The following OSBPL3 variants were observed in gnomAD, a reference collection of about 807,000 sequenced individuals.
OSBPL3 encodes oxysterol binding protein like 3, also known as oxysterol-binding protein-related protein 3.
Under a neutral mutation model 120.1 loss-of-function variants are expected in OSBPL3, and 65 were observed. The observed-to-expected ratio is 0.54, with a 90% CI of 0.44 to 0.67. The LOEUF is 0.67. Ranked by LOEUF, OSBPL3 falls within the 30% of genes least tolerant of loss-of-function variation. OSBPL3 has a pLI of 0.00. For synonymous variants in OSBPL3, 416 were observed against 402.6 expected (o/e 1.03, Z -0.40); for missense variants, 1,004 against 1,082.1 (o/e 0.93, Z 1.01).
In OSBPL3 at chr7:24,907,508, A is replaced by G. The variant is rs140261905; in HGVS notation, c.-149-14887T>C. The stretch of plus-strand genomic sequence containing the variant: ...AGTCCTTGCCAGACATCACTCAGTT[A>G]CACTTTGGCTGTTATCACTCAAACT... On this transcript the variant is annotated intron_variant, in intron 1 of 22. Transcript: ENST00000313367. Among the ~76,000 whole-genome samples, 5 of 151,294 alleles carry G rather than the reference A, an allele frequency of 3.3e-5. No individual in the cohort carries two copies. The East Asian group carries it at 1.0e-3, about 31-fold the overall frequency.
At chr7:24,961,743 C>T (rs1318790336) in intron 1 of OSBPL3, among the ~76,000 whole-genome samples, 1 of 152,150 alleles carries the variant, frequency 6.6e-6, no homozygotes, top group Non-Finnish European at 1.5e-5. Context: ...TCTGAACACA[C>T]TAAGACAGGG....
chr7:24,928,029 A>C (rs1356886054), intron 1 of OSBPL3, among the ~76,000 whole-genome samples: 2 of 151,958 alleles, frequency 1.3e-5, no homozygotes, highest in African/African-American at 4.8e-5. Flanking sequence ...CTTGTTGTTC[A>C]AAAGTGTGTA....
chr7:24,826,005 G>A (rs1166007202), intron 16 of OSBPL3, among the ~76,000 whole-genome samples: 1 of 152,178 alleles, frequency 6.6e-6, no homozygotes, highest in South Asian at 2.1e-4. Flanking sequence ...TAGCTTAATT[G>A]CATATCCTTT....
intron 2 of OSBPL3, among the ~76,000 whole-genome samples, chr7:24,886,406 G>A (rs1260119750): frequency 6.6e-6 from 1 of 152,180 alleles, no homozygotes; most frequent in Non-Finnish European, 1.5e-5. Context: ...GCCATCATTT[G>A]CCAGAATAAA....
At chr7:24,866,401 G>A (rs1006596837) in intron 5 of OSBPL3, among the ~76,000 whole-genome samples, 164 bp from the exon 6 acceptor site, 2 of 152,162 alleles carry the variant, frequency 1.3e-5, no homozygotes, top group Admixed American at 6.5e-5. Context: ...AATTTGGAAG[G>A]CCACGGAGGG....
intron 14 of OSBPL3, among the ~76,000 whole-genome samples, chr7:24,836,755 A>C (rs945504834): frequency 6.6e-6 from 1 of 152,256 alleles, no homozygotes; most frequent in Admixed American, 6.5e-5. Context: ...TGATGAACAG[A>C]AACACATGAA....
In OSBPL3 at chr7:24,939,820, C is replaced by CTATA. The variant is rs1378726066; in HGVS notation, c.-150+40062_-150+40065dup. ...GGGGGAAAAAATCAGTAACAGGGGG[C>CTATA]TATAACTAAAGTTAGGAGGGTGGGA... On this transcript the variant is annotated intron_variant, in intron 1 of 22. Transcript: ENST00000313367. The surrounding 1 kb of genome is among the most constrained non-coding windows in gnomAD (Gnocchi z 4.2). 6.6e-6 allele frequency among the ~76,000 whole-genome samples: 1 copy of CTATA among 151,954 alleles called. No homozygotes were observed. Among genetic ancestry groups the CTATA allele is most frequent in the Non-Finnish European group, 1.5e-5 (1 of 67,978 alleles).
intron 1 of OSBPL3, among the ~76,000 whole-genome samples, chr7:24,928,439 C>T (rs1811371306): frequency 6.6e-6 from 1 of 152,158 alleles, no homozygotes; most frequent in Admixed American, 6.5e-5. Context: ...GATCTGCCCA[C>T]CTTGGCCTCC....
intron 1 of OSBPL3, among the ~76,000 whole-genome samples, chr7:24,926,703 C>A (rs1385035851): frequency 6.6e-6 from 1 of 152,216 alleles, no homozygotes; most frequent in African/African-American, 2.4e-5. Context: ...CCCAGGCTGG[C>A]ATGCACCAGG....
chr7:24,900,593 G>A lies in OSBPL3; in HGVS notation c.-149-7972C>T, dbSNP rs1159257805. ...CTTAATCAAGGTATGGCAAGTACCAGACACATGTGCTTCCAGTCTCCACTC... is the reference window on the plus strand; with the variant it reads ...CTTAATCAAGGTATGGCAAGTACCAAACACATGTGCTTCCAGTCTCCACTC... On this transcript the variant is annotated intron_variant, in intron 1 of 22. Coordinates refer to ENST00000313367, the MANE Select transcript of OSBPL3 (RefSeq NM_015550.4). The surrounding 1 kb of genome is among the most constrained non-coding windows in gnomAD (Gnocchi z 4.5). Among the ~76,000 whole-genome samples, 1 of 152,150 alleles carries A rather than the reference G, an allele frequency of 6.6e-6. No homozygotes were observed. The highest frequency in any genetic ancestry group is 1.5e-5 in the Non-Finnish European group (1 of 68,022).
At chr7:24,800,701 C>G (rs1792211757) in intron 22 of OSBPL3, among the ~76,000 whole-genome samples, 1 of 151,990 alleles carries the variant, frequency 6.6e-6, no homozygotes, top group Non-Finnish European at 1.5e-5. Context: ...AGGTGATCCA[C>G]CCACTTCGGA....
chr7:24,885,060 G>A (rs955106919), intron 2 of OSBPL3, among the ~76,000 whole-genome samples: 1 of 151,858 alleles, frequency 6.6e-6, no homozygotes, highest in African/African-American at 2.4e-5. Context: ...GAAGGGGGTG[G>A]ATCACCTGAG....
intron 5 of OSBPL3, 22 bp downstream of exon 5, chr7:24,870,710 G>T: frequency 7.1e-7 from 1 of 1,401,024 alleles, no homozygotes; most frequent in Non-Finnish European, 1.0e-6. Context: ...AGTGAACTCT[G>T]CACAGTGGGA....
At chr7:24,829,026 T>C (rs540617597) in intron 16 of OSBPL3, among the ~76,000 whole-genome samples, 23 of 152,288 alleles carry the variant, frequency 1.5e-4, no homozygotes, top group African/African-American at 5.3e-4. Context: ...CCATGGGAAA[T>C]ACACAAACAG....
Position 24,798,268 on chromosome 7 carries a change from C to T in OSBPL3, c.*1915G>A, listed in dbSNP as rs1791928003. On this transcript the variant is annotated 3_prime_UTR_variant, in exon 23 of 23. Coordinates refer to ENST00000313367, the MANE Select transcript of OSBPL3 (RefSeq NM_015550.4). This position sits in a 1 kb window ranked among gnomAD's most constrained non-coding sequence, Gnocchi z 4.6. ...CAGGCTGTGCATTTTGTTTTCGTTG[C>T]TTCTTTCTTTTTTGAGCCAGTCTCT... 1 of 152,202 alleles carries T rather than the reference C, an allele frequency of 6.6e-6. No homozygotes were observed. The highest frequency in any genetic ancestry group is 1.5e-5 in the Non-Finnish European group (1 of 68,020). The allele number at this position is 152,202 out of a possible 1,614,324, so 9.4% of individuals were successfully genotyped here.
chr7:24,957,956 T>C (rs780562072), intron 1 of OSBPL3, among the ~76,000 whole-genome samples: 2 of 152,130 alleles, frequency 1.3e-5, no homozygotes, highest in East Asian at 1.9e-4. Context: ...TCCATATCAA[T>C]AAGGAGGAAG....
chr7:24,872,070 C>A lies in OSBPL3; in HGVS notation c.97-1G>T. On this transcript the variant is annotated splice_acceptor_variant, in intron 2 of 22. Transcript: ENST00000313367. LOFTEE classifies it high-confidence loss of function. This position sits in a 1 kb window ranked among gnomAD's most constrained non-coding sequence, Gnocchi z 4.1. ...GTCCTTCCACCACTTCCCAGCTGTC[C>A]TGTTCCAACAAAAGAGTTCATGTTA... The A allele has an allele frequency of 3.1e-6, 5 of 1,589,090 alleles. No individual in the cohort carries two copies. Among genetic ancestry groups the A allele is most frequent in the Non-Finnish European group, 3.5e-6 (4 of 1,157,386 alleles).
Position 24,855,215 on chromosome 7 carries a change from T to C in OSBPL3, c.1028-2581A>G, listed in dbSNP as rs528862747. Among the ~76,000 whole-genome samples the C allele has an allele frequency of 2.6e-5, 4 of 152,208 alleles. No homozygotes were observed. The South Asian group carries it at 6.2e-4, about 24-fold the overall frequency. ...GCCTGCCACACACACAGGATGCCCATGGCCATCTCAGTGGGTCCCCTGGGG... is the reference window on the plus strand; with the variant it reads ...GCCTGCCACACACACAGGATGCCCACGGCCATCTCAGTGGGTCCCCTGGGG... On this transcript the variant is annotated intron_variant, in intron 10 of 22. Transcript: ENST00000313367. The surrounding 1 kb of genome is among the most constrained non-coding windows in gnomAD (Gnocchi z 4.3).
rs1489330150 is a variant in OSBPL3, at chr7:24,834,499, G to A, written c.1733C>T (p.Pro578Leu). 3 of 1,610,964 alleles carry A rather than the reference G, an allele frequency of 1.9e-6. No homozygotes were observed. The highest frequency in any genetic ancestry group is 1.1e-5 in the South Asian group (1 of 90,674). The change falls in exon 15 of 23, where the codon CCC becomes CTC. Residue 578 changes from proline to leucine, a missense_variant. Transcript: ENST00000313367. The surrounding 1 kb of genome is among the most constrained non-coding windows in gnomAD (Gnocchi z 5.2). ...LLDKAAQIPS[P>L]LERMVYVAAF... Reference sequence around the variant, plus strand: ...CTGACTCCTCACCATCCTTTCCAGGGGGCTGGGAATCTGCGCGGCCTTGTC... The same window carrying A: ...CTGACTCCTCACCATCCTTTCCAGGAGGCTGGGAATCTGCGCGGCCTTGTC...
Sources: allele counts gnomAD v4.1 joint callset (sites outside exome capture counted in the v4.1 genomes callset), GRCh38; gene constraint gnomAD v4.1.1; non-coding constraint Gnocchi (gnomAD v3.1); transcripts MANE v1.5; gene names NCBI Gene and HGNC (gene_info 2026-07-23, HGNC 2026-07-21).